The following LCLAT1 variants were observed in gnomAD, a reference collection of about 807,000 sequenced individuals.
LCLAT1 encodes lysocardiolipin acyltransferase 1, also known as 1-AGP acyltransferase 8.
A neutral mutation model predicts 30.7 loss-of-function variants in LCLAT1; 11 were observed. The ratio of observed to expected loss-of-function variants is 0.36; its 90% CI spans 0.23 to 0.59. The LOEUF (loss-of-function observed/expected upper bound fraction) is 0.59. LCLAT1 is among the 20% of genes least tolerant of loss of function. The probability of loss-of-function intolerance (pLI) is 0.77; values close to 1 mark genes in which losing one functional copy is unlikely to be tolerated. For synonymous variants in LCLAT1, 155 were observed against 151.3 expected, an observed-to-expected ratio of 1.02 and a Z score of -0.18; for missense variants, 402 against 458.6, an observed-to-expected ratio of 0.88 and a Z score of 1.13.
chr2:30,510,831 A>G (rs1413911786), intron 1 of LCLAT1, among the ~76,000 whole-genome samples: 1 of 151,880 alleles, frequency 6.6e-6, no homozygotes, highest in Non-Finnish European at 1.5e-5. Context: ...GGTCGTGTAT[A>G]ATTTTTGCTA....
chr2:30,457,685 T>C (rs1041979497), intron 1 of LCLAT1, among the ~76,000 whole-genome samples: 2 of 152,178 alleles, frequency 1.3e-5, no homozygotes, highest in Non-Finnish European at 2.9e-5. Flanking sequence ...ATTAGAGTTA[T>C]AGATAGAGGT....
At chr2:30,565,652 T>C (rs1479210792) in intron 4 of LCLAT1, among the ~76,000 whole-genome samples, 3 of 152,198 alleles carry the variant, frequency 2.0e-5, no homozygotes, top group African/African-American at 7.2e-5. Flanking sequence ...AATACATATA[T>C]GAGTGCCTGG....
chr2:30,548,321 T>C lies in LCLAT1; in HGVS notation c.365-13825T>C, dbSNP rs1312004823. Among the ~76,000 whole-genome samples the C allele has an allele frequency of 2.0e-5, 3 of 152,214 alleles. No homozygotes were observed. The South Asian group carries it at 6.2e-4, about 32-fold the overall frequency. On this transcript the variant is annotated intron_variant, in intron 3 of 5. Transcript: ENST00000379509. ...AAGTCCTGAGAACATGTGCCCAAAG[T>C]GGTCGGGGTACAGCTTGGGTTTATA... is the stretch of plus-strand genomic sequence containing the variant.
intron 3 of LCLAT1, among the ~76,000 whole-genome samples, chr2:30,550,248 T>C (rs1005478912): frequency 1.3e-5 from 2 of 152,336 alleles, no homozygotes; most frequent in African/African-American, 4.8e-5. Flanking sequence ...TTCACCCAGC[T>C]TCTCTGATGT....
intron 5 of LCLAT1, among the ~76,000 whole-genome samples, chr2:30,637,986 T>G (rs1213835696): frequency 1.3e-5 from 2 of 152,158 alleles, no homozygotes; most frequent in Non-Finnish European, 2.9e-5. Flanking sequence ...CTCTACCCCC[T>G]GCGAACAATA....
rs540750333 is a variant in LCLAT1, at chr2:30,495,306, C to T, written c.-4-30281C>T. 8.5e-5 allele frequency among the ~76,000 whole-genome samples: 13 copies of T among 152,104 alleles called. No homozygotes were observed. In the South Asian group the frequency reaches 2.7e-3, roughly 32 times the overall value. ...TTCATAGAATCAGTAAATTATGGAACTGGAAAGGACCTTCAAGATCATCTA... is the reference window on the plus strand; with the variant it reads ...TTCATAGAATCAGTAAATTATGGAATTGGAAAGGACCTTCAAGATCATCTA... On this transcript the variant is annotated intron_variant, in intron 1 of 5. Coordinates refer to ENST00000379509, the MANE Select transcript of LCLAT1 (RefSeq NM_001002257.3).
chr2:30,568,280 C>A, intron 5 of LCLAT1, 104 bp downstream of exon 5: 1 of 578,614 alleles, frequency 1.7e-6, no homozygotes, highest in East Asian at 2.9e-5. Context: ...ACTACTTTGT[C>A]TCAAGAAATG....
intron 1 of LCLAT1, among the ~76,000 whole-genome samples, chr2:30,475,704 T>G (rs1353788913): frequency 6.6e-6 from 1 of 152,230 alleles, no homozygotes; most frequent in African/African-American, 2.4e-5. Context: ...TTCCTTCCTT[T>G]TAGTGATTCT....
intron 5 of LCLAT1, among the ~76,000 whole-genome samples, chr2:30,634,538 A>G (rs1668930189): frequency 6.6e-6 from 1 of 152,196 alleles, no homozygotes; most frequent in Admixed American, 6.5e-5. Flanking sequence ...AGGCAGGAGA[A>G]TCACTTGAAC....
intron 5 of LCLAT1, among the ~76,000 whole-genome samples, chr2:30,571,191 A>G (rs1665762537): frequency 6.6e-6 from 1 of 152,206 alleles, no homozygotes; most frequent in Non-Finnish European, 1.5e-5. Context: ...TAATCTTTCC[A>G]CTATTACTCT....
At chr2:30,482,081 A>G (rs1337961343) in intron 1 of LCLAT1, among the ~76,000 whole-genome samples, 2 of 152,210 alleles carry the variant, frequency 1.3e-5, no homozygotes, top group African/African-American at 4.8e-5. Flanking sequence ...CAGGGAAGTA[A>G]TTATAAGCCT....
chr2:30,640,246 A>G lies in LCLAT1; in HGVS notation c.758A>G (p.Asp253Gly). 1.9e-6 allele frequency: 3 copies of G among 1,614,106 alleles called. No homozygotes were observed. Among genetic ancestry groups the G allele is most frequent in the Non-Finnish European group, 2.5e-6 (3 of 1,179,968 alleles). ...TTTCACGTCCACCGGTATCCAATAG[A>G]CACCCTCCCCACATCCAAGGAGGAC... ...IHFHVHRYPIDTLPTSKEDLQ... is the reference protein window; with the variant it reads ...IHFHVHRYPIGTLPTSKEDLQ... Residue 253 changes from aspartate (D) to glycine (G), a missense_variant, in exon 6 of 6, where the codon GAC (aspartate) becomes GGC (glycine). Asp to Gly is a moderately conservative substitution (Grantham distance 94). Coordinates refer to ENST00000379509, the MANE Select transcript of LCLAT1 (RefSeq NM_001002257.3).
chr2:30,572,529 T>C (rs1665824789), intron 5 of LCLAT1, among the ~76,000 whole-genome samples: 1 of 152,126 alleles, frequency 6.6e-6, no homozygotes, highest in African/African-American at 2.4e-5. Flanking sequence ...CTAAGCTAGG[T>C]GGTAGTTTGC....
At chr2:30,575,636 T>TA (rs1400188131) in intron 5 of LCLAT1, among the ~76,000 whole-genome samples, 2 of 152,154 alleles carry the variant, frequency 1.3e-5, no homozygotes, top group Non-Finnish European at 2.9e-5. Flanking sequence ...TACCGGAGGA[T>TA]AAAAGAGTAC....
intron 1 of LCLAT1, among the ~76,000 whole-genome samples, chr2:30,487,721 G>A (rs1001748176): frequency 6.6e-6 from 1 of 152,158 alleles, no homozygotes; most frequent in East Asian, 1.9e-4. Context: ...TGCTGGTGTT[G>A]TAATTTAAGT....
chr2:30,472,126 A>G (rs1458450579), intron 1 of LCLAT1, among the ~76,000 whole-genome samples: 1 of 152,236 alleles, frequency 6.6e-6, no homozygotes, highest in Non-Finnish European at 1.5e-5. Context: ...TTTATGGGAC[A>G]TAGTCTCAAA....
intron 3 of LCLAT1, among the ~76,000 whole-genome samples, chr2:30,561,575 G>A (rs1665224237): frequency 6.6e-6 from 1 of 152,144 alleles, no homozygotes. Flanking sequence ...AAGGAATGTA[G>A]TCATAGTGTA....
chr2:30,634,518 C>T (rs947200869), intron 5 of LCLAT1, among the ~76,000 whole-genome samples: 1 of 152,048 alleles, frequency 6.6e-6, no homozygotes. Flanking sequence ...CCCAGCTACT[C>T]GGGAGGCTGA....
intron 1 of LCLAT1, among the ~76,000 whole-genome samples, chr2:30,509,571 T>C (rs180747555): frequency 6.7e-6 from 1 of 149,160 alleles, no homozygotes; most frequent in Admixed American, 6.9e-5. Context: ...CAAAGCAGAA[T>C]ACTTTTTTTT....
Sources: gnomAD v4.1 joint callset for allele counts (sites outside exome capture counted in the v4.1 genomes callset) on GRCh38, gnomAD v4.1.1 for gene constraint, MANE v1.5 for transcripts, NCBI Gene and HGNC (gene_info 2026-07-23, HGNC 2026-07-21) for gene names.